TOX: variants seen among roughly 807,000 people sequenced by gnomAD.
The protein encoded by TOX is thymocyte selection-associated high mobility group box protein TOX.
Under a neutral mutation model 53.7 loss-of-function variants are expected in TOX, and 11 were observed. That is an observed-to-expected ratio of 0.20 (90% CI 0.13 to 0.34). The LOEUF (loss-of-function observed/expected upper bound fraction) is 0.34, where lower values mean the gene tolerates loss of function less well. TOX is among the 10% of genes least tolerant of loss of function. The probability of loss-of-function intolerance (pLI) is 1.00; values close to 1 mark genes in which losing one functional copy is unlikely to be tolerated. For missense variants in TOX, 570 were observed against 664.6 expected (o/e 0.86, Z 1.56); for synonymous variants, 225 against 245.3 (o/e 0.92, Z 0.77).
Position 59,022,190 on chromosome 8 carries a change from T to G in TOX, c.103-62182A>C, listed in dbSNP as rs971113418. On this transcript the variant is annotated intron_variant, in intron 1 of 8. Transcript: ENST00000361421. ...AATATTTTAACTATGATTTAGAAAC[T>G]CTAATCATATAGTGAAATGGAGTTA... Among the ~76,000 whole-genome samples, 11 of 152,302 alleles carry G rather than the reference T, an allele frequency of 7.2e-5. No homozygotes were observed. In the South Asian group the frequency reaches 1.4e-3, roughly 20 times the overall value.
chr8:58,891,729 G>T (rs1472438331), intron 3 of TOX, among the ~76,000 whole-genome samples: 1 of 152,216 alleles, frequency 6.6e-6, no homozygotes, highest in Non-Finnish European at 1.5e-5. Flanking sequence ...TGAGCGCTTA[G>T]AGAGACTGGA....
intron 1 of TOX, among the ~76,000 whole-genome samples, chr8:58,965,894 G>GTTTTGTTTTTTTTTTTTTTTTT (rs1812887394): frequency 2.0e-5 from 1 of 49,616 alleles, no homozygotes; most frequent in Non-Finnish European, 3.7e-5. Context: ...ACGAGTCATC[G>GTTTTGTTTTTTTTTTTTTTTTT]TTTTTTTTTT....
At chr8:59,094,533 C>T (rs908706475) in intron 1 of TOX, among the ~76,000 whole-genome samples, 6 of 151,618 alleles carry the variant, frequency 4.0e-5, no homozygotes, top group Non-Finnish European at 5.9e-5. Flanking sequence ...TACATAATTA[C>T]TGTTTTTGAA....
At chr8:58,924,271 G>T (rs560816188) in intron 3 of TOX, among the ~76,000 whole-genome samples, 7 of 152,282 alleles carry the variant, frequency 4.6e-5, no homozygotes, top group African/African-American at 1.7e-4. Context: ...TGCAGAAGAC[G>T]TAAGAAGGAG....
chr8:58,989,073 G>T (rs369540805), intron 1 of TOX, among the ~76,000 whole-genome samples: 1 of 152,186 alleles, frequency 6.6e-6, no homozygotes, highest in Non-Finnish European at 1.5e-5. Flanking sequence ...CCAGCACTGT[G>T]GGGGGCCGAG....
chr8:59,096,990 C>T (rs910848694), intron 1 of TOX, among the ~76,000 whole-genome samples: 3 of 152,174 alleles, frequency 2.0e-5, no homozygotes, highest in Non-Finnish European at 4.4e-5. Flanking sequence ...GGATAGAGGG[C>T]AATCCCAGGT....
intron 3 of TOX, among the ~76,000 whole-genome samples, chr8:58,858,674 AGCTGTGGAGT>A (rs551863063): frequency 1.8e-4 from 27 of 152,312 alleles, no homozygotes; most frequent in South Asian, 1.7e-3. Flanking sequence ...TGACACCCTG[AGCTGTGGAGT>A]GCTTTCCCCA....
At chr8:59,007,137 C>A (rs1813805122) in intron 1 of TOX, among the ~76,000 whole-genome samples, 1 of 152,108 alleles carries the variant, frequency 6.6e-6, no homozygotes, top group African/African-American at 2.4e-5. Flanking sequence ...TTTCCCAGTG[C>A]CCACAAAACA....
chr8:59,102,887 CA>C (rs1341550327), intron 1 of TOX, among the ~76,000 whole-genome samples: 1 of 152,136 alleles, frequency 6.6e-6, no homozygotes, highest in Non-Finnish European at 1.5e-5. Flanking sequence ...TACCTGCCCC[CA>C]CTTCACCCCC....
rs1447034506 is a variant in TOX at position 58,860,485 on chromosome 8, AG to A, written c.412-8681del. Among the ~76,000 whole-genome samples, 4 of 152,330 alleles carry A rather than the reference AG, an allele frequency of 2.6e-5. No individual in the cohort carries two copies. In the South Asian group the frequency reaches 8.3e-4, roughly 32 times the overall value. ...AATGCTTCCTTAAAACATGACTGTG[AG>A]GATTAACTAAGATAAGGACTACGAA... On this transcript the variant is annotated intron_variant, in intron 3 of 8. Transcript: ENST00000361421.
At chr8:59,054,494 T>C (rs1293545942) in intron 1 of TOX, among the ~76,000 whole-genome samples, 1 of 152,182 alleles carries the variant, frequency 6.6e-6, no homozygotes, top group Non-Finnish European at 1.5e-5. Flanking sequence ...AGTTTTAAAT[T>C]GTCAGGATTT....
chr8:59,014,110 C>T (rs1288833997), intron 1 of TOX, among the ~76,000 whole-genome samples: 1 of 152,182 alleles, frequency 6.6e-6, no homozygotes, highest in Non-Finnish European at 1.5e-5. Context: ...AATCATCCAG[C>T]ATCTTTAAAG....
At chr8:59,080,420 T>C (rs1020366299) in intron 1 of TOX, among the ~76,000 whole-genome samples, 102 of 152,264 alleles carry the variant, frequency 6.7e-4, no homozygotes, top group African/African-American at 2.2e-3. Context: ...CTTGTCTCGA[T>C]GGGATTTTGG....
chr8:58,871,451 T>C (rs1395238494), intron 3 of TOX, among the ~76,000 whole-genome samples: 2 of 152,118 alleles, frequency 1.3e-5, no homozygotes, highest in African/African-American at 4.8e-5. Context: ...ATGAAAAGTA[T>C]AATGTGACAA....
At chr8:58,844,498 C>T (rs930076075) in intron 4 of TOX, among the ~76,000 whole-genome samples, 7 of 152,086 alleles carry the variant, frequency 4.6e-5, no homozygotes, top group Admixed American at 3.9e-4. Context: ...AATGTGAATT[C>T]CTTATGATGA....
At chr8:59,110,738 G>A (rs567718218) in intron 1 of TOX, among the ~76,000 whole-genome samples, 6 of 150,584 alleles carry the variant, frequency 4.0e-5, no homozygotes, top group East Asian at 2.0e-4. Context: ...GAGGCCCCCC[G>A]GGGGGCCTAT....
chr8:58,911,703 CT>C (rs893816613), intron 3 of TOX, among the ~76,000 whole-genome samples: 2 of 151,260 alleles, frequency 1.3e-5, no homozygotes, highest in African/African-American at 4.9e-5. Flanking sequence ...CAAAACTTTT[CT>C]TTTTTTTTCT....
intron 3 of TOX, among the ~76,000 whole-genome samples, chr8:58,922,980 G>A (rs1282962218): frequency 6.6e-6 from 1 of 152,102 alleles, no homozygotes. Context: ...AAGGTCATCC[G>A]GTGGGAGGTG....
At chr8:59,007,863 G>A (rs1420377376) in intron 1 of TOX, among the ~76,000 whole-genome samples, 4 of 152,150 alleles carry the variant, frequency 2.6e-5, no homozygotes, top group Non-Finnish European at 5.9e-5. Flanking sequence ...GGGGAAGTTT[G>A]TCTAAGAGCC....
Sources: allele counts gnomAD v4.1 joint callset (sites outside exome capture counted in the v4.1 genomes callset), GRCh38; gene constraint gnomAD v4.1.1; transcripts MANE v1.5; gene names NCBI Gene and HGNC (gene_info 2026-07-23, HGNC 2026-07-21).